SSR2: variants seen among roughly 807,000 people sequenced by gnomAD.
SSR2 encodes the protein signal sequence receptor subunit 2, also known as translocon-associated protein subunit beta.
SSR2 carries 16 observed loss-of-function variants against 22.6 expected under a neutral mutation model. The ratio of observed to expected loss-of-function variants is 0.71; its 90% CI spans 0.48 to 1.08. The LOEUF is 1.08. Among genes scored for constraint, SSR2 ranks in the 50% least tolerant of loss-of-function variants. SSR2 has a pLI of 0.00. For synonymous variants in SSR2, 83 were observed against 91.2 expected (o/e 0.91, Z 0.51); for missense variants, 171 against 221.6 (o/e 0.77, Z 1.45).
chr1:156,012,773 T>C (rs1438216009), intron 4 of SSR2: 1 of 307,056 alleles, frequency 3.3e-6, no homozygotes, highest in Non-Finnish European at 6.6e-6. Context: ...TTTGGCTTCA[T>C]AAATTTATAC....
At chr1:156,020,834 C>T in intron 1 of SSR2, 54 bp downstream of exon 1, 1 of 460,432 alleles carries the variant, frequency 2.2e-6, no homozygotes, top group Non-Finnish European at 4.6e-6. Context: ...GGGTGATGCG[C>T]GGACACGAGG....
chr1:156,018,177 C>A, intron 3 of SSR2, 93 bp downstream of exon 3: 1 of 897,676 alleles, frequency 1.1e-6, no homozygotes, highest in Non-Finnish European at 1.8e-6. Flanking sequence ...AGGACAGCCA[C>A]ACATATCCAG....
intron 5 of SSR2, chr1:156,010,435 A>C (rs1452572444): frequency 6.6e-6 from 1 of 152,038 alleles, no homozygotes; most frequent in Non-Finnish European, 1.5e-5. Flanking sequence ...CAGTGGCACA[A>C]TCATAGCCAC....
chr1:156,015,113 G>T, intron 3 of SSR2, 44 bp from the exon 4 acceptor site: 1 of 1,497,974 alleles, frequency 6.7e-7, no homozygotes, highest in Non-Finnish European at 9.3e-7. Context: ...AGCTAAAGTT[G>T]TAGCAGCCTT....
At chr1:156,019,927 C>T (rs1457783136) in intron 2 of SSR2, 86 bp downstream of exon 2, 22 of 1,469,124 alleles carry the variant, frequency 1.5e-5, no homozygotes, top group Non-Finnish European at 1.9e-5. Flanking sequence ...AGAGAAACCA[C>T]TACCCACCAA....
At chr1:156,019,699 T>TA (rs769142001) in intron 2 of SSR2, among the ~76,000 whole-genome samples, 3 of 152,172 alleles carry the variant, frequency 2.0e-5, no homozygotes, top group Non-Finnish European at 4.4e-5. Context: ...GATGACACTT[T>TA]AAACCCCTGA....
intron 3 of SSR2, 71 bp downstream of exon 3, chr1:156,018,199 T>C: frequency 8.7e-7 from 1 of 1,151,846 alleles, no homozygotes; most frequent in Non-Finnish European, 1.3e-6. Flanking sequence ...CTATTTGAAG[T>C]ACCCCTGCTG....
chr1:156,019,667 G>A (rs950603737), intron 2 of SSR2, among the ~76,000 whole-genome samples: 4 of 152,166 alleles, frequency 2.6e-5, no homozygotes, highest in African/African-American at 9.7e-5. Context: ...TTACAGGCGT[G>A]AGCTACCATG....
chr1:156,012,422 C>T (rs1350180735), intron 4 of SSR2: 5 of 420,124 alleles, frequency 1.2e-5, no homozygotes, highest in African/African-American at 2.1e-5. Context: ...TGAGTCTGGT[C>T]CACATTCCTT....
At chr1:156,017,843 T>C (rs187289166) in intron 3 of SSR2, among the ~76,000 whole-genome samples, 1,388 of 135,190 alleles carry the variant, frequency 0.01, 25 homozygotes, top group African/African-American at 0.037. Flanking sequence ...CTCCGCCTCC[T>C]GGGTTCAAGT....
intron 2 of SSR2, among the ~76,000 whole-genome samples, chr1:156,018,799 G>A (rs1572259008): frequency 6.6e-6 from 1 of 151,998 alleles, no homozygotes; most frequent in Non-Finnish European, 1.5e-5. Flanking sequence ...CTGATCTCTT[G>A]AGGTCAGGAG....
chr1:156,013,616 G>T, intron 4 of SSR2: 1 of 153,574 alleles, frequency 6.5e-6, no homozygotes. Flanking sequence ...TAAGGACTGA[G>T]TTGGGGGAGA....
intron 4 of SSR2, 129 bp downstream of exon 4, chr1:156,014,832 C>T (rs1294478415): frequency 1.3e-5 from 10 of 749,064 alleles, no homozygotes; most frequent in East Asian, 8.3e-5. Context: ...TGAGCCACTG[C>T]GCCCAGTCCT....
rs759699925 is a variant in SSR2 at position 156,020,068 on chromosome 1, C to T, written c.100G>A (p.Ala34Thr). The change falls in exon 2 of 6, where the codon GCC (alanine) becomes ACC (threonine). Residue 34 changes from alanine to threonine, a missense_variant. By Grantham distance (58) the Ala-to-Thr change is moderately conservative (BLOSUM62 0). Transcript: ENST00000295702. ...LASKSLLNRY[A>T]VEGRDLTLQY... The stretch of plus-strand genomic sequence containing the variant: ...AAGGTCAGGTCTCGTCCCTCCACGG[C>T]GTATCTGTTCAGCAGTGATTTGGAA... The T allele has an allele frequency of 1.9e-6, 3 of 1,614,154 alleles. No homozygotes were observed. Among genetic ancestry groups the T allele is most frequent in the South Asian group, 2.2e-5 (2 of 91,090 alleles).
chr1:156,016,589 CA>C (rs11356147), intron 3 of SSR2, among the ~76,000 whole-genome samples: 79,577 of 149,658 alleles, frequency 0.53, 22,347 homozygotes, highest in Non-Finnish European at 0.63. Context: ...ATTGAAAATA[CA>C]AAAAAAAAAG....
At position 156,020,944 on chromosome 1, in the gene SSR2, T is replaced by A; in HGVS notation, c.-57A>T. The A allele has an allele frequency of 2.1e-6, 1 of 471,314 alleles. No homozygotes were observed. Among genetic ancestry groups the A allele is most frequent in the Non-Finnish European group, 4.4e-6 (1 of 227,036 alleles). The allele number at this position is 471,314 out of a possible 1,614,324, so 29.2% of individuals were successfully genotyped here. A position where few individuals can be genotyped will look rare whatever the true frequency, so the allele number is the denominator to read the frequency against. On this transcript the variant is annotated 5_prime_UTR_variant, in exon 1 of 6. It removes an upstream start codon present in the reference 5' UTR. Coordinates refer to ENST00000295702, the MANE Select transcript of SSR2 (RefSeq NM_003145.4). ...CAAAGACAGGAAGAGAGCGTCAGCA[T>A]CCGAAAGACCGGAAATAAGCACTGG... is the stretch of plus-strand genomic sequence containing the variant.
At position 156,019,509 on chromosome 1, in the gene SSR2, C is replaced by T. The variant is rs570249524; in HGVS notation, c.155+504G>A. ...AAGCGATTCTTTTGCCTCAGCCTCC[C>T]GAGTAGCTGGGACTACAGGCGTCCG... On this transcript the variant is annotated intron_variant, in intron 2 of 5. Transcript: ENST00000295702. Among the ~76,000 whole-genome samples, 44 of 152,156 alleles carry T rather than the reference C, an allele frequency of 2.9e-4. 1 individual carries two copies. The highest frequency in any genetic ancestry group is 6.8e-3 in the Middle Eastern group (2 of 294).
chr1:156,018,664 G>A (rs369067423), intron 2 of SSR2, among the ~76,000 whole-genome samples: 47 of 150,910 alleles, frequency 3.1e-4, no homozygotes, highest in African/African-American at 1.1e-3. Flanking sequence ...AGCCAAGATC[G>A]CACCACTATA....
chr1:156,018,429 G>A (rs975568800), intron 2 of SSR2, 61 bp from the exon 3 acceptor site: 29 of 1,414,210 alleles, frequency 2.1e-5, no homozygotes, highest in South Asian at 5.8e-5. Flanking sequence ...AAAGCAGGCC[G>A]GGCGCCGTGG....
Sources: gnomAD v4.1 joint callset for allele counts (sites outside exome capture counted in the v4.1 genomes callset) on GRCh38, gnomAD v4.1.1 for gene constraint, MANE v1.5 for transcripts, NCBI Gene and HGNC (gene_info 2026-07-23, HGNC 2026-07-21) for gene names.